FRMD4B: variants seen among roughly 807,000 people sequenced by gnomAD.
The protein encoded by FRMD4B is FERM domain containing 4B.
In FRMD4B, 74 loss-of-function variants were observed where a neutral mutation model predicts 141.5. The ratio of observed to expected loss-of-function variants is 0.52; its 90% CI spans 0.43 to 0.63. The LOEUF (loss-of-function observed/expected upper bound fraction) is 0.63. Among genes scored for constraint, FRMD4B ranks in the 30% least tolerant of loss-of-function variants. The pLI, the probability that FRMD4B is intolerant of heterozygous loss-of-function variation, is 0.00. For synonymous variants in FRMD4B, 506 were observed against 467.9 expected (o/e 1.08, Z -1.05); for missense variants, 1,366 against 1,253.4 (o/e 1.09, Z -1.36).
intron 1 of FRMD4B, among the ~76,000 whole-genome samples, chr3:69,489,742 A>T (rs1164703338): frequency 3.3e-5 from 5 of 152,216 alleles, no homozygotes; most frequent in Non-Finnish European, 7.3e-5. Flanking sequence ...TATCCACTGG[A>T]GAGAAATAAA....
intron 1 of FRMD4B, among the ~76,000 whole-genome samples, chr3:69,438,304 C>T (rs911761102): frequency 6.6e-6 from 1 of 151,856 alleles, no homozygotes; most frequent in African/African-American, 2.4e-5. Flanking sequence ...CAGGTTCTCG[C>T]TTTGTTGCTC....
At chr3:69,513,829 G>GA (rs1349681320) in intron 1 of FRMD4B, among the ~76,000 whole-genome samples, 6 of 151,744 alleles carry the variant, frequency 4.0e-5, no homozygotes. Context: ...AATCAATGCA[G>GA]AAAAAGTACA....
At chr3:69,304,589 T>G (rs1273380949) in intron 3 of FRMD4B, among the ~76,000 whole-genome samples, 1 of 152,194 alleles carries the variant, frequency 6.6e-6, no homozygotes, top group Non-Finnish European at 1.5e-5. Context: ...ACTTGTTTAT[T>G]TTATTTACTC....
chr3:69,258,119 G>A (rs748751689), intron 5 of FRMD4B, among the ~76,000 whole-genome samples: 4 of 151,940 alleles, frequency 2.6e-5, no homozygotes, highest in Non-Finnish European at 4.4e-5. Flanking sequence ...GTGAGCCACC[G>A]TGCCTGGCCA....
intron 7 of FRMD4B, among the ~76,000 whole-genome samples, chr3:69,245,830 A>C (rs1297570752): frequency 9.7e-6 from 1 of 103,192 alleles, no homozygotes. Context: ...TGCCAGGCTA[A>C]TTTGTTTTTT....
chr3:69,366,929 C>T (rs1344701853), intron 1 of FRMD4B, among the ~76,000 whole-genome samples: 1 of 151,706 alleles, frequency 6.6e-6, no homozygotes, highest in African/African-American at 2.4e-5. Flanking sequence ...CCACTATGCC[C>T]GACTAATTTG....
chr3:69,208,737 GCTTA>G (rs1160814822), intron 11 of FRMD4B, among the ~76,000 whole-genome samples: 1 of 151,982 alleles, frequency 6.6e-6, no homozygotes, highest in Non-Finnish European at 1.5e-5. Context: ...TTATTTCTTT[GCTTA>G]CTTGTTTCTC....
At chr3:69,531,578 T>C (rs1326923570) in intron 1 of FRMD4B, among the ~76,000 whole-genome samples, 1 of 152,240 alleles carries the variant, frequency 6.6e-6, no homozygotes, top group Admixed American at 6.5e-5. Context: ...AATGTTTGCA[T>C]TGTAGGCTCT....
intron 17 of FRMD4B, among the ~76,000 whole-genome samples, chr3:69,190,507 T>C (rs1255611011): frequency 1.3e-5 from 2 of 151,988 alleles, no homozygotes; most frequent in Non-Finnish European, 2.9e-5. Context: ...CTCAACCTCC[T>C]GGGCTTAAGC....
chr3:69,385,870 G>A lies in FRMD4B; in HGVS notation c.120C>T (p.His40=). 1 of 1,599,314 alleles carries A rather than the reference G, an allele frequency of 6.3e-7. No individual in the cohort carries two copies. The highest frequency in any genetic ancestry group is 8.5e-7 in the Non-Finnish European group (1 of 1,173,670). ...RWYTERLRAC[H]QVLRTWCGLQ... ...GCCCGCACCACGTCCGCAGCACCTGGTGGCAAGCCCGCAGCCTCTCCGTGT... is the reference window on the plus strand; with the variant it reads ...GCCCGCACCACGTCCGCAGCACCTGATGGCAAGCCCGCAGCCTCTCCGTGT... The change falls in exon 1 of 23, where the codon CAC becomes CAT. Residue 40 remains histidine (H), a synonymous_variant. Coordinates refer to ENST00000398540, the MANE Select transcript of FRMD4B (RefSeq NM_015123.3).
At chr3:69,522,637 G>GTCAT (rs1275483221) in intron 1 of FRMD4B, among the ~76,000 whole-genome samples, 2 of 152,106 alleles carry the variant, frequency 1.3e-5, no homozygotes, top group Admixed American at 1.3e-4. Flanking sequence ...CGTCTTGCCA[G>GTCAT]TCAAGTATGC....
At chr3:69,178,416 T>C (rs1172999845) in intron 21 of FRMD4B, among the ~76,000 whole-genome samples, 8 of 152,008 alleles carry the variant, frequency 5.3e-5, no homozygotes, top group African/African-American at 1.7e-4. Context: ...TGATGGCTCA[T>C]GGTTGTAATC....
chr3:69,196,249 T>A lies in FRMD4B; in HGVS notation c.1234+6A>T. 2.5e-6 allele frequency: 4 copies of A among 1,576,548 alleles called. No homozygotes were observed. The highest frequency in any genetic ancestry group is 2.6e-6 in the Non-Finnish European group (3 of 1,167,562). On this transcript the variant is annotated splice_donor_region_variant and intron_variant, in intron 14 of 22. Transcript: ENST00000398540. ...GCTTGCACGTTCTCTAATCCCAAGA[T>A]GTTACCTGAGGAGATTAAACTGCCA...
At chr3:69,278,375 T>C (rs1274055552) in intron 5 of FRMD4B, among the ~76,000 whole-genome samples, 1 of 152,180 alleles carries the variant, frequency 6.6e-6, no homozygotes, top group East Asian at 1.9e-4. Flanking sequence ...GATTGCTCAC[T>C]GCAGCCTCAA....
At chr3:69,416,226 A>G (rs913611984) in intron 2 of FRMD4B, among the ~76,000 whole-genome samples, 2 of 152,222 alleles carry the variant, frequency 1.3e-5, no homozygotes, top group Non-Finnish European at 2.9e-5. Flanking sequence ...GACATACAGA[A>G]AGAAAAAGCA....
intron 1 of FRMD4B, among the ~76,000 whole-genome samples, chr3:69,500,192 G>A (rs936502893): frequency 3.9e-5 from 6 of 152,158 alleles, no homozygotes; most frequent in Admixed American, 1.3e-4. Flanking sequence ...AGCTGTCCCC[G>A]GGCTGCTCTG....
intron 1 of FRMD4B, among the ~76,000 whole-genome samples, chr3:69,511,236 TC>T (rs1371710189): frequency 1.3e-5 from 2 of 152,064 alleles, no homozygotes; most frequent in Non-Finnish European, 1.5e-5. Context: ...TCATTTTTTT[TC>T]CCTAAGGCAA....
intron 1 of FRMD4B, among the ~76,000 whole-genome samples, chr3:69,362,992 TA>T (rs11305538): frequency 0.28 from 41,668 of 149,808 alleles, 6,721 homozygotes; most frequent in Non-Finnish European, 0.36. Flanking sequence ...CTTTTTACAG[TA>T]AAAAAAAAAA....
At chr3:69,181,824 T>C (rs889389241) in intron 20 of FRMD4B, 114 bp from the exon 21 acceptor site, 5 of 655,332 alleles carry the variant, frequency 7.6e-6, no homozygotes, top group African/African-American at 5.5e-5. Context: ...AATAGGACTT[T>C]GAGTTGCCAA....
Sources: gnomAD v4.1 joint callset for allele counts (sites outside exome capture counted in the v4.1 genomes callset) on GRCh38, gnomAD v4.1.1 for gene constraint, MANE v1.5 for transcripts, NCBI Gene and HGNC (gene_info 2026-07-23, HGNC 2026-07-21) for gene names.